FSTL4: variants seen among roughly 807,000 people sequenced by gnomAD.
FSTL4 encodes the protein follistatin like 4, also known as follistatin-related protein 4.
A neutral mutation model predicts 78.2 loss-of-function variants in FSTL4; 28 were observed. That is an observed-to-expected ratio of 0.36 (90% confidence interval 0.27 to 0.49). The LOEUF (loss-of-function observed/expected upper bound fraction) is 0.49. Ranked by LOEUF, FSTL4 falls within the 20% of genes least tolerant of loss-of-function variation. The pLI is 0.98. For synonymous variants in FSTL4, 422 were observed against 440.5 expected (o/e 0.96, Z 0.53); for missense variants, 922 against 1,084.9 (o/e 0.85, Z 2.11).
chr5:133,756,567 C>T, the FSTL4 span, among the ~76,000 whole-genome samples: 7 of 152,212 alleles, frequency 4.6e-5, no homozygotes, highest in African/African-American at 1.2e-4. Context: ...CAGCCCACCA[C>T]GGGAAGAGGG....
At chr5:133,581,285 C>T (rs1760400301) in intron 2 of FSTL4, among the ~76,000 whole-genome samples, 1 of 152,196 alleles carries the variant, frequency 6.6e-6, no homozygotes, top group African/African-American at 2.4e-5. Flanking sequence ...TAGGACCTGG[C>T]CCATCTGAGA....
chr5:133,347,011 T>A (rs56895911), intron 4 of FSTL4, among the ~76,000 whole-genome samples: 5,906 of 152,190 alleles, frequency 0.039, 265 homozygotes, highest in African/African-American at 0.11. Flanking sequence ...GGTTTTTTTT[T>A]ATTAGATTTA....
At chr5:133,419,055 G>A (rs576568114) in intron 3 of FSTL4, among the ~76,000 whole-genome samples, 11 of 152,330 alleles carry the variant, frequency 7.2e-5, no homozygotes, top group Middle Eastern at 3.4e-3. Flanking sequence ...ATTCGTTCAT[G>A]TTATAGAATA....
At chr5:133,483,706 G>C (rs1312721104) in intron 3 of FSTL4, among the ~76,000 whole-genome samples, 1 of 152,224 alleles carries the variant, frequency 6.6e-6, no homozygotes, top group Non-Finnish European at 1.5e-5. Context: ...GCGGGACATG[G>C]TAGTGGGAGA....
At position 133,396,458 on chromosome 5, in the gene FSTL4, A is replaced by G. The variant is rs540755780; in HGVS notation, c.409+4280T>C. Among the ~76,000 whole-genome samples the G allele has an allele frequency of 2.6e-5, 4 of 152,284 alleles. 1 individual carries two copies. The highest frequency in any genetic ancestry group is 1.9e-4 in the East Asian group (1 of 5,178). On this transcript the variant is annotated intron_variant, in intron 4 of 15. Transcript: ENST00000265342. ...TCCACAGGCCCCAGCACCTCTTGCT[A>G]TAGGGACTGCTCCAGCAGAGTTACA...
At chr5:133,303,397 A>G (rs2126879947) in intron 6 of FSTL4, among the ~76,000 whole-genome samples, 1 of 152,346 alleles carries the variant, frequency 6.6e-6, no homozygotes, top group African/African-American at 2.4e-5. Flanking sequence ...TGCTTCAGGC[A>G]GGCAGTAGTA....
chr5:133,763,488 C>T, the FSTL4 span, among the ~76,000 whole-genome samples: 59,324 of 152,018 alleles, frequency 0.39, 12,054 homozygotes, highest in Middle Eastern at 0.48. Context: ...CCTCTCATGA[C>T]GGTCCCACAG....
chr5:133,351,704 T>A (rs1754827551), intron 4 of FSTL4, among the ~76,000 whole-genome samples: 1 of 151,958 alleles, frequency 6.6e-6, no homozygotes, highest in African/African-American at 2.4e-5. Flanking sequence ...ACCTCCTGGG[T>A]TCAAGCAATT....
At chr5:133,560,816 G>C (rs1759895365) in intron 3 of FSTL4, among the ~76,000 whole-genome samples, 1 of 151,704 alleles carries the variant, frequency 6.6e-6, no homozygotes, top group South Asian at 2.1e-4. Context: ...GCCAGGAGTG[G>C]TGGCTCACAC....
chr5:133,454,054 C>T (rs1757434722), intron 3 of FSTL4, among the ~76,000 whole-genome samples: 1 of 152,120 alleles, frequency 6.6e-6, no homozygotes, highest in Non-Finnish European at 1.5e-5. Context: ...ATGATGGACA[C>T]AGTCTGCCCA....
chr5:133,437,161 G>A (rs1462965798), intron 3 of FSTL4, among the ~76,000 whole-genome samples: 2 of 152,188 alleles, frequency 1.3e-5, no homozygotes, highest in African/African-American at 2.4e-5. Context: ...CTGGCAGGAA[G>A]GTTAGTGATG....
intron 3 of FSTL4, among the ~76,000 whole-genome samples, chr5:133,543,794 A>T (rs562291573): frequency 2.2e-4 from 33 of 152,020 alleles, no homozygotes; most frequent in Non-Finnish European, 4.0e-4. Context: ...ATATACTTGA[A>T]TTTAAAGCTA....
intron 2 of FSTL4, among the ~76,000 whole-genome samples, chr5:133,601,665 GT>G (rs1760872458): frequency 6.6e-6 from 1 of 151,234 alleles, no homozygotes; most frequent in African/African-American, 2.4e-5. Flanking sequence ...TTTCCTTCGA[GT>G]TTTTTCTTTT....
the FSTL4 span, among the ~76,000 whole-genome samples, chr5:133,685,432 A>T: frequency 2.8e-4 from 42 of 152,356 alleles, no homozygotes; most frequent in East Asian, 3.9e-3. Flanking sequence ...TATAGCAGTG[A>T]CCATCAAGAG....
intron 4 of FSTL4, among the ~76,000 whole-genome samples, chr5:133,378,728 T>C (rs1467024169): frequency 6.6e-6 from 1 of 152,106 alleles, no homozygotes; most frequent in East Asian, 1.9e-4. Context: ...TTATGATGTA[T>C]ATGGTAAACC....
chr5:133,221,913 T>TTTTGTTTG lies in FSTL4; in HGVS notation c.1340-1048_1340-1047insCAAACAAA, dbSNP rs1554097223. Among the ~76,000 whole-genome samples, 583 of 97,822 alleles carry TTTTGTTTG rather than the reference T, an allele frequency of 6.0e-3. 13 individuals carry two copies. The highest frequency in any genetic ancestry group is 0.018 in the African/African-American group (385 of 21,796). 64.2% of individuals were successfully genotyped at this position (97,822 alleles called of 152,430 possible). ...CTAGTTTTTTTTTTTTTTTTTTTTT[T>TTTTGTTTG]TTTTTTTTTTTTTTAGCATGCTGAG... On this transcript the variant is annotated intron_variant, in intron 11 of 15. Transcript: ENST00000265342.
intron 6 of FSTL4, among the ~76,000 whole-genome samples, chr5:133,279,686 G>A (rs566833018): frequency 5.9e-5 from 9 of 152,364 alleles, no homozygotes; most frequent in African/African-American, 2.2e-4. Flanking sequence ...GCATGAGGCA[G>A]GGTCATGTGG....
chr5:133,723,828 C>T, the FSTL4 span, among the ~76,000 whole-genome samples: 2 of 152,204 alleles, frequency 1.3e-5, no homozygotes, highest in African/African-American at 4.8e-5. Flanking sequence ...CTGAGGTCCA[C>T]ATTGGCTGGG....
chr5:133,501,010 A>G (rs1758484258), intron 3 of FSTL4, among the ~76,000 whole-genome samples: 1 of 152,178 alleles, frequency 6.6e-6, no homozygotes, highest in Non-Finnish European at 1.5e-5. Flanking sequence ...AAGGGGAGAT[A>G]AAAGGGAGAC....
Sources: allele counts gnomAD v4.1 joint callset (sites outside exome capture counted in the v4.1 genomes callset), GRCh38; gene constraint gnomAD v4.1.1; transcripts MANE v1.5; gene names NCBI Gene and HGNC (gene_info 2026-07-23, HGNC 2026-07-21).